GDPD1: variants seen among roughly 807,000 people sequenced by gnomAD.
GDPD1 encodes the protein lysophospholipase D GDPD1.
In GDPD1, 28 loss-of-function variants were observed where a neutral mutation model predicts 45.1. The ratio of observed to expected loss-of-function variants is 0.62; its 90% confidence interval spans 0.46 to 0.85. The LOEUF (loss-of-function observed/expected upper bound fraction) is 0.85, where lower values mean the gene tolerates loss of function less well. Among genes scored for constraint, GDPD1 ranks in the 40% least tolerant of loss-of-function variants. GDPD1 has a pLI of 0.00. For synonymous variants in GDPD1, 139 were observed against 131.4 expected (o/e 1.06, Z -0.40); for missense variants, 256 against 364.8 (o/e 0.70, Z 2.43).
chr17:59,275,115 T>C lies in GDPD1; in HGVS notation c.*1342T>C. 1.3e-6 allele frequency: 2 copies of C among 1,519,530 alleles called. No individual in the cohort carries two copies. The highest frequency in any genetic ancestry group is 1.2e-5 in the South Asian group (1 of 83,654). The allele number at this position is 1,519,530 out of a possible 1,614,324, so 94.1% of individuals were successfully genotyped here. On this transcript the variant is annotated 3_prime_UTR_variant, in exon 10 of 10. Coordinates refer to ENST00000284116, the MANE Select transcript of GDPD1 (RefSeq NM_182569.4). ...CCTCGGCCTCTCAAAGTGCTGGGAT[T>C]ACAGGTTTGAACCACTGCACCCGGC...
intron 4 of GDPD1, among the ~76,000 whole-genome samples, chr17:59,255,762 A>AATATAT (rs1203946108): frequency 8.6e-4 from 38 of 44,348 alleles, no homozygotes; most frequent in Admixed American, 1.8e-3. Context: ...AAAAAAAAAA[A>AATATAT]ATATATATAT....
At chr17:59,258,119 G>T (rs1568347772) in intron 6 of GDPD1, among the ~76,000 whole-genome samples, 1 of 151,918 alleles carries the variant, frequency 6.6e-6, no homozygotes, top group Non-Finnish European at 1.5e-5. Context: ...TAGAGATGAG[G>T]TCTCACTATA....
chr17:59,239,735 A>C (rs1407090334), intron 2 of GDPD1, among the ~76,000 whole-genome samples: 1 of 151,506 alleles, frequency 6.6e-6, no homozygotes, highest in African/African-American at 2.4e-5. Flanking sequence ...CTTCAAACTT[A>C]GAAAGATTTC....
chr17:59,230,182 AT>A (rs371693147), intron 1 of GDPD1, among the ~76,000 whole-genome samples: 1 of 152,146 alleles, frequency 6.6e-6, no homozygotes, highest in African/African-American at 2.4e-5. Context: ...TGACCACTAT[AT>A]ATGACCTGAA....
chr17:59,250,413 C>T lies in GDPD1; in HGVS notation c.367+1628C>T, dbSNP rs543588541. On this transcript the variant is annotated intron_variant, in intron 4 of 9. Transcript: ENST00000284116. ...AGGCGGGAGGGTTGCTTGAGACCAA[C>T]AGGTTGAAACCAGCCTGGGCAACAT... Among the ~76,000 whole-genome samples the T allele has an allele frequency of 5.3e-5, 8 of 151,908 alleles. No individual in the cohort carries two copies. In the East Asian group the frequency reaches 1.6e-3, roughly 30 times the overall value.
Position 59,273,893 on chromosome 17 carries a change from C to A in GDPD1, c.*120C>A. On this transcript the variant is annotated 3_prime_UTR_variant, in exon 10 of 10. Transcript: ENST00000284116. The stretch of plus-strand genomic sequence containing the variant: ...AAGGTTTAATCAGTTTTTATTACCT[C>A]ATTTTTAAGCCTGTATGAGAATGTA... 1 of 1,204,870 alleles carries A rather than the reference C, an allele frequency of 8.3e-7. No individual in the cohort carries two copies. The highest frequency in any genetic ancestry group is 3.3e-5 in the East Asian group (1 of 30,208). The allele number at this position is 1,204,870 out of a possible 1,614,324, so 74.6% of individuals were successfully genotyped here.
At chr17:59,253,458 C>T (rs7221732) in intron 4 of GDPD1, among the ~76,000 whole-genome samples, 67,087 of 151,948 alleles carry the variant, frequency 0.44, 16,588 homozygotes, top group African/African-American at 0.68. Context: ...CCCACCTCAG[C>T]CTTCCAAAGT....
chr17:59,223,152 T>A (rs1568335986), intron 1 of GDPD1, among the ~76,000 whole-genome samples: 1 of 152,240 alleles, frequency 6.6e-6, no homozygotes, highest in Non-Finnish European at 1.5e-5. Flanking sequence ...GAAAATACTT[T>A]AAAACTATTT....
Position 59,220,539 on chromosome 17 carries a change from G to GCCA in GDPD1, c.-69_-68insACC. ...CCGACCTCGAGCAGCCGCCGCCGCCGCCGTCGTTGCTACTGCCGCAGCGGA... is the reference window on the plus strand; with the variant it reads ...CCGACCTCGAGCAGCCGCCGCCGCCGCCACCGTCGTTGCTACTGCCGCAGCGGA... On this transcript the variant is annotated 5_prime_UTR_variant, in exon 1 of 10. Transcript: ENST00000284116. 1.3e-6 allele frequency: 2 copies of GCCA among 1,534,410 alleles called. No individual in the cohort carries two copies.
intron 1 of GDPD1, among the ~76,000 whole-genome samples, chr17:59,233,466 A>C (rs1234872838): frequency 2.1e-5 from 3 of 145,112 alleles, no homozygotes; most frequent in Non-Finnish European, 3.0e-5. Context: ...GAGCCGAGAT[A>C]GTGCCACTGC....
chr17:59,251,542 T>TG (rs917023277), intron 4 of GDPD1, among the ~76,000 whole-genome samples: 3 of 150,318 alleles, frequency 2.0e-5, no homozygotes, highest in South Asian at 2.1e-4. Flanking sequence ...AACAATGCTG[T>TG]GGAAAAAAAA....
At chr17:59,252,708 A>G (rs1476407792) in intron 4 of GDPD1, among the ~76,000 whole-genome samples, 1 of 150,146 alleles carries the variant, frequency 6.7e-6, no homozygotes, top group Admixed American at 6.6e-5. Context: ...AAAAAAAAAT[A>G]CGCTGAATTG....
chr17:59,263,603 C>G lies in GDPD1; in HGVS notation c.577-3438C>G, dbSNP rs183945132. Among the ~76,000 whole-genome samples the G allele has an allele frequency of 8.0e-3, 1,206 of 150,406 alleles. 19 individuals are homozygous for G. The highest frequency in any genetic ancestry group is 0.027 in the African/African-American group (1,119 of 40,954). On this transcript the variant is annotated intron_variant, in intron 6 of 9. Coordinates refer to ENST00000284116, the MANE Select transcript of GDPD1 (RefSeq NM_182569.4). ...AAGCGATTCTCCTCCCTCAGCCTCC[C>G]GAGTAGCTGGGATTACAGGCATGCA...
intron 4 of GDPD1, among the ~76,000 whole-genome samples, chr17:59,256,264 C>T (rs1484812575): frequency 1.3e-5 from 2 of 152,034 alleles, no homozygotes; most frequent in East Asian, 3.9e-4. Context: ...TTGCAGTGAG[C>T]TGAGATCGTG....
At chr17:59,226,022 G>A (rs2047044863) in intron 1 of GDPD1, among the ~76,000 whole-genome samples, 1 of 152,010 alleles carries the variant, frequency 6.6e-6, no homozygotes, top group African/African-American at 2.4e-5. Flanking sequence ...TGCCCAGCCT[G>A]GATTCAGAAT....
intron 2 of GDPD1, 115 bp downstream of exon 2, chr17:59,234,649 T>A: frequency 1.5e-6 from 1 of 685,424 alleles, no homozygotes; most frequent in Non-Finnish European, 2.5e-6. Flanking sequence ...CAGTTTGTGA[T>A]AGTTGTTTCT....
intron 7 of GDPD1, among the ~76,000 whole-genome samples, chr17:59,269,478 C>CG (rs1299382136): frequency 7.3e-6 from 1 of 136,150 alleles, no homozygotes; most frequent in Non-Finnish European, 1.5e-5. Context: ...CTTGTCTACC[C>CG]CCCCCCCCAA....
Position 59,273,944 on chromosome 17 carries a change from A to T in GDPD1, c.*171A>T. ...GAAACTATATATTATATGTATATTT[A>T]TTTTAAATAATATTGTATATTTTAT... On this transcript the variant is annotated 3_prime_UTR_variant, in exon 10 of 10. Transcript: ENST00000284116. 1.3e-6 allele frequency: 1 copy of T among 760,274 alleles called. No individual in the cohort carries two copies. The highest frequency in any genetic ancestry group is 6.2e-5 in the South Asian group (1 of 16,088). The allele number at this position is 760,274 out of a possible 1,614,324, so 47.1% of individuals were successfully genotyped here.
At chr17:59,257,378 C>T in intron 5 of GDPD1, 138 bp downstream of exon 5, 1 of 580,220 alleles carries the variant, frequency 1.7e-6, no homozygotes. Flanking sequence ...TTAAATAATG[C>T]CTTAGTAGAA....
Sources: allele counts gnomAD v4.1 joint callset (sites outside exome capture counted in the v4.1 genomes callset), GRCh38; gene constraint gnomAD v4.1.1; transcripts MANE v1.5; gene names NCBI Gene and HGNC (gene_info 2026-07-23, HGNC 2026-07-21).